Variants in UBR2 observed in about 807,000 individuals in gnomAD.
UBR2 encodes ubiquitin protein ligase E3 component n-recognin 2.
In UBR2, 92 loss-of-function variants were observed where a neutral mutation model predicts 247.9. That is an observed-to-expected ratio of 0.37 (90% CI 0.31 to 0.44). The LOEUF (loss-of-function observed/expected upper bound fraction) is 0.44, where lower values mean the gene tolerates loss of function less well. Ranked by LOEUF, UBR2 falls within the 20% of genes least tolerant of loss-of-function variation. The pLI is 1.00. For missense variants in UBR2, 1,613 were observed against 2,112.6 expected (o/e 0.76, Z 4.64); for synonymous variants, 672 against 693.5 (o/e 0.97, Z 0.49).
chr6:42,607,325 G>A (rs1253434202), intron 7 of UBR2, among the ~76,000 whole-genome samples: 2 of 151,170 alleles, frequency 1.3e-5, no homozygotes, highest in South Asian at 2.1e-4. Context: ...ACACAGCCAC[G>A]CCCAGCTAAT....
chr6:42,610,635 A>G (rs1794006573), intron 7 of UBR2, among the ~76,000 whole-genome samples: 1 of 152,210 alleles, frequency 6.6e-6, no homozygotes, highest in East Asian at 1.9e-4. Context: ...TAGCATTGTC[A>G]TATCCATAGA....
intron 44 of UBR2, among the ~76,000 whole-genome samples, chr6:42,686,709 C>T (rs1054855816): frequency 9.3e-5 from 14 of 149,996 alleles, no homozygotes; most frequent in Non-Finnish European, 1.5e-4. Context: ...GTGGGAGCTG[C>T]CCCCCACCTC....
In UBR2 at chr6:42,691,395, A is replaced by G; in HGVS notation, c.*222A>G. ...CAAATATAATGTCTTGGGTTTTAAG[A>G]TCGAGCAAGGAGCTTCTCTTCCTAG... On this transcript the variant is annotated 3_prime_UTR_variant, in exon 47 of 47. Transcript: ENST00000372901. The G allele has an allele frequency of 8.6e-6, 5 of 579,650 alleles. No individual in the cohort carries two copies. The highest frequency in any genetic ancestry group is 1.5e-5 in the Non-Finnish European group (5 of 341,460). 35.9% of individuals were successfully genotyped at this position (579,650 alleles called of 1,614,324 possible).
intron 11 of UBR2, chr6:42,619,453 A>ATATTTATTTATTTTTTT: frequency 4.2e-5 from 1 of 23,728 alleles, no homozygotes; most frequent in East Asian, 1.7e-3. Flanking sequence ...ATATATATAT[A>ATATTTATTTATTTTTTT]TTTTTTTTTT....
At chr6:42,594,353 T>G (rs917229374) in intron 4 of UBR2, 49 bp downstream of exon 4, 15 of 1,424,238 alleles carry the variant, frequency 1.1e-5, no homozygotes, top group Non-Finnish European at 3.9e-6. Flanking sequence ...TGAAATATTT[T>G]GAGAAATAGT....
intron 22 of UBR2, among the ~76,000 whole-genome samples, chr6:42,648,758 A>G (rs1796929977): frequency 6.6e-6 from 1 of 152,174 alleles, no homozygotes. Context: ...CAAAGAAAAA[A>G]TATTACCTGT....
intron 8 of UBR2, 150 bp from the exon 9 acceptor site, chr6:42,614,921 T>C: frequency 1.8e-6 from 1 of 549,208 alleles, no homozygotes; most frequent in Non-Finnish European, 3.0e-6. Flanking sequence ...AAAATATTAA[T>C]AAAACAGTTA....
intron 17 of UBR2, among the ~76,000 whole-genome samples, chr6:42,642,208 G>C (rs558723435): frequency 1.3e-5 from 2 of 152,114 alleles, no homozygotes; most frequent in Non-Finnish European, 2.9e-5. Context: ...AACCCAGCAA[G>C]TTAGCTGCAA....
chr6:42,616,646 A>G (rs1049959772), intron 10 of UBR2, among the ~76,000 whole-genome samples: 1 of 146,702 alleles, frequency 6.8e-6, no homozygotes, highest in Non-Finnish European at 1.5e-5. Context: ...TTTTTTTTTT[A>G]AGAAACAAGG....
At chr6:42,646,006 CTT>C (rs1411026970) in intron 21 of UBR2, among the ~76,000 whole-genome samples, 1 of 152,122 alleles carries the variant, frequency 6.6e-6, no homozygotes, top group African/African-American at 2.4e-5. Flanking sequence ...TTTTCCTAAG[CTT>C]TTTCCTTCTT....
rs749345194 is a variant in UBR2 at position 42,642,403 on chromosome 6, CT to C, written c.2032-3del. Reference sequence around the variant, plus strand: ...AAAAACTATTTACTCAATATAATTACTTTTTTTTTTAGATTTATTACTACCA... The same window carrying C: ...AAAAACTATTTACTCAATATAATTACTTTTTTTTTAGATTTATTACTACCA... On this transcript the variant is annotated splice_polypyrimidine_tract_variant and intron_variant, in intron 17 of 46. Transcript: ENST00000372901. The C allele has an allele frequency of 4.6e-3, 6,067 of 1,312,912 alleles. No homozygotes were observed. Among genetic ancestry groups the C allele is most frequent in the Non-Finnish European group, 5.1e-3 (4,864 of 954,904 alleles). 81.3% of individuals were successfully genotyped at this position (1,312,912 alleles called of 1,614,324 possible).
chr6:42,606,574 TA>T lies in UBR2; in HGVS notation c.802-12del. On this transcript the variant is annotated splice_polypyrimidine_tract_variant and intron_variant, in intron 6 of 46. Transcript: ENST00000372901. ...ATACAATACTTTTACAGCTTAATTT[TA>T]AATATCTTTACAGGGGCGTAGGTCT... 1 of 1,607,168 alleles carries T rather than the reference TA, an allele frequency of 6.2e-7. No individual in the cohort carries two copies. Among genetic ancestry groups the T allele is most frequent in the Non-Finnish European group, 8.5e-7 (1 of 1,176,468 alleles).
chr6:42,670,647 C>T lies in UBR2; in HGVS notation c.4031-13C>T. The T allele has an allele frequency of 6.3e-7, 1 of 1,581,350 alleles. No homozygotes were observed. The highest frequency in any genetic ancestry group is 8.6e-7 in the Non-Finnish European group (1 of 1,157,664). On this transcript the variant is annotated splice_polypyrimidine_tract_variant and intron_variant, in intron 35 of 46. Coordinates refer to ENST00000372901, the MANE Select transcript of UBR2 (RefSeq NM_001363705.2). ...ACATAACATTTACCATTTTAACCAT[C>T]TTTAATCTGTAGAAAGAATTTTGAG...
At chr6:42,601,135 A>G (rs1793331607) in intron 4 of UBR2, among the ~76,000 whole-genome samples, 1 of 152,120 alleles carries the variant, frequency 6.6e-6, no homozygotes, top group African/African-American at 2.4e-5. Context: ...TCAATCCTTA[A>G]ATGTTTTTGT....
chr6:42,564,406 C>T lies in UBR2; in HGVS notation c.78+9C>T, dbSNP rs373288233. 6.0e-5 allele frequency: 97 copies of T among 1,606,632 alleles called. No individual in the cohort carries two copies. The highest frequency in any genetic ancestry group is 2.7e-4 in the Admixed American group (16 of 58,980). On this transcript the variant is annotated intron_variant, in intron 1 of 46. Transcript: ENST00000372901. ...CCGAGGAGATTGCGGGGGTGAGTGCCGGAACCCGGGCGGGTGCGTCTGCCC... is the reference window on the plus strand; with the variant it reads ...CCGAGGAGATTGCGGGGGTGAGTGCTGGAACCCGGGCGGGTGCGTCTGCCC...
rs1554250447 is a variant in UBR2, at chr6:42,614,415, C to CGTACATACATACGTATATACGTAT, written c.986-652_986-651insATACATACGTATATACGTATGTAC. On this transcript the variant is annotated intron_variant, in intron 8 of 46. Coordinates refer to ENST00000372901, the MANE Select transcript of UBR2 (RefSeq NM_001363705.2). ...ACGTACATACATACGTATGTATGTA[C>CGTACATACATACGTATATACGTAT]GTACGTACATATATATGTATGTACG... 3.5e-3 allele frequency among the ~76,000 whole-genome samples: 310 copies of CGTACATACATACGTATATACGTAT among 89,222 alleles called. 18 individuals carry two copies. The highest frequency in any genetic ancestry group is 1.3e-3 in the Non-Finnish European group (57 of 44,768). The allele number at this position is 89,222 out of a possible 152,430, so 58.5% of individuals were successfully genotyped here. A position where few individuals can be genotyped will look rare whatever the true frequency, so the allele number is the denominator to read the frequency against.
Position 42,691,513 on chromosome 6 carries a change from G to A in UBR2, c.*340G>A, listed in dbSNP as rs529199135. ...ATTGATGATAGTGAACCGTGGGTCCGAAGCTGACTCAACGGAGGCAGGGAA... is the reference window on the plus strand; with the variant it reads ...ATTGATGATAGTGAACCGTGGGTCCAAAGCTGACTCAACGGAGGCAGGGAA... On this transcript the variant is annotated 3_prime_UTR_variant, in exon 47 of 47. Coordinates refer to ENST00000372901, the MANE Select transcript of UBR2 (RefSeq NM_001363705.2). 1.7e-5 allele frequency: 5 copies of A among 289,554 alleles called. No individual in the cohort carries two copies. Among genetic ancestry groups the A allele is most frequent in the East Asian group, 1.1e-4 (1 of 8,940 alleles). 17.9% of individuals were successfully genotyped at this position (289,554 alleles called of 1,614,324 possible).
intron 11 of UBR2, among the ~76,000 whole-genome samples, chr6:42,625,511 A>G (rs1795286491): frequency 6.6e-6 from 1 of 151,982 alleles, no homozygotes; most frequent in East Asian, 1.9e-4. Context: ...GTGCAGTGGC[A>G]TGATTTCAGC....
chr6:42,608,186 G>A (rs1050867746), intron 7 of UBR2, among the ~76,000 whole-genome samples: 2 of 152,092 alleles, frequency 1.3e-5, no homozygotes, highest in African/African-American at 4.8e-5. Context: ...TTTAGGGTAT[G>A]GACATTCTCA....
Sources: gnomAD v4.1 joint callset for allele counts (sites outside exome capture counted in the v4.1 genomes callset) on GRCh38, gnomAD v4.1.1 for gene constraint, MANE v1.5 for transcripts, NCBI Gene and HGNC (gene_info 2026-07-23, HGNC 2026-07-21) for gene names.